The following TPD52L1 variants were observed in gnomAD, a reference collection of about 807,000 sequenced individuals.
TPD52L1 encodes the protein tumor protein D53.
In TPD52L1, 18 loss-of-function variants were observed where a neutral mutation model predicts 28.7. The observed-to-expected ratio is 0.63, with a 90% CI of 0.43 to 0.93. The LOEUF is 0.93. Ranked by LOEUF, TPD52L1 falls within the 40% of genes least tolerant of loss-of-function variation. The pLI is 0.00. For synonymous variants in TPD52L1, 75 were observed against 88.8 expected (o/e 0.84, Z 0.88); for missense variants, 203 against 254.8 (o/e 0.80, Z 1.39).
intron 6 of TPD52L1, 102 bp downstream of exon 6, chr6:125,257,260 C>A: frequency 1.1e-6 from 1 of 922,774 alleles, no homozygotes; most frequent in Non-Finnish European, 1.7e-6. Flanking sequence ...AGAAGGCAGG[C>A]TTGCATCAAG....
chr6:125,166,037 CA>C (rs1790880113), intron 1 of TPD52L1, among the ~76,000 whole-genome samples: 2 of 151,732 alleles, frequency 1.3e-5, no homozygotes, highest in African/African-American at 2.4e-5. Context: ...AATGAGTACC[CA>C]AAAAAAGAAA....
chr6:125,214,099 G>T (rs906342312), intron 1 of TPD52L1, among the ~76,000 whole-genome samples: 15 of 152,176 alleles, frequency 9.9e-5, no homozygotes, highest in Non-Finnish European at 1.8e-4. Flanking sequence ...AGCTGAAACT[G>T]CAAGATGCAG....
intron 1 of TPD52L1, among the ~76,000 whole-genome samples, chr6:125,172,144 CTTT>C (rs1562211119): frequency 6.6e-5 from 4 of 60,582 alleles, no homozygotes; most frequent in African/African-American, 1.8e-4. Flanking sequence ...TTCTTTCTTT[CTTT>C]CTTTCTTTCT....
At chr6:125,206,431 A>G (rs1341651952) in intron 1 of TPD52L1, among the ~76,000 whole-genome samples, 1 of 152,176 alleles carries the variant, frequency 6.6e-6, no homozygotes, top group Admixed American at 6.5e-5. Context: ...GATCAAATGA[A>G]GGCACAGAAC....
chr6:125,179,311 T>C (rs1792032626), intron 1 of TPD52L1, among the ~76,000 whole-genome samples: 1 of 152,270 alleles, frequency 6.6e-6, no homozygotes, highest in African/African-American at 2.4e-5. Flanking sequence ...TTTACCCAAG[T>C]AGTCCCTCAA....
Position 125,261,018 on chromosome 6 carries a change from GA to G in TPD52L1, c.487-1812del, listed in dbSNP as rs72134189. 6.0e-3 allele frequency: 258 copies of G among 43,126 alleles called. 18 individuals are homozygous for G. The highest frequency in any genetic ancestry group is 0.037 in the African/African-American group (247 of 6,758). The allele number at this position is 43,126 out of a possible 1,614,324, so 2.7% of individuals were successfully genotyped here. ...AGAAAGAAAGAAAGAAAGAAAGAAA[GA>G]AAAGAAAAGAAAGAAAGAAAGAAAG... is the stretch of plus-strand genomic sequence containing the variant. On this transcript the variant is annotated intron_variant, in intron 6 of 6. Coordinates refer to ENST00000534000, the MANE Select transcript of TPD52L1 (RefSeq NM_003287.4).
chr6:125,183,366 C>T (rs1792351223), intron 1 of TPD52L1, among the ~76,000 whole-genome samples: 1 of 152,150 alleles, frequency 6.6e-6, no homozygotes, highest in Non-Finnish European at 1.5e-5. Flanking sequence ...GTAAACCCAG[C>T]TACATGGGAG....
chr6:125,216,508 C>A (rs1794884947), intron 1 of TPD52L1, among the ~76,000 whole-genome samples: 1 of 129,096 alleles, frequency 7.7e-6, no homozygotes, highest in Non-Finnish European at 1.6e-5. Context: ...AAGTTTGCAA[C>A]AGTAAATTCA....
At chr6:125,175,209 A>T (rs1791746284) in intron 1 of TPD52L1, among the ~76,000 whole-genome samples, 1 of 152,154 alleles carries the variant, frequency 6.6e-6, no homozygotes, top group African/African-American at 2.4e-5. Context: ...ATGACTGTTC[A>T]TGGAGAGCAC....
At chr6:125,258,225 C>T (rs1442293353) in intron 6 of TPD52L1, among the ~76,000 whole-genome samples, 1 of 152,066 alleles carries the variant, frequency 6.6e-6, no homozygotes, top group Non-Finnish European at 1.5e-5. Context: ...GTTTAAGGCC[C>T]AGGAATGAAA....
chr6:125,259,831 G>A (rs1253315339), intron 6 of TPD52L1: 1 of 152,192 alleles, frequency 6.6e-6, no homozygotes, highest in Middle Eastern at 3.2e-3. Context: ...TAATTTGGGG[G>A]ACAAAGTGAC....
intron 1 of TPD52L1, among the ~76,000 whole-genome samples, chr6:125,170,102 CA>C (rs1791191404): frequency 6.6e-6 from 1 of 152,136 alleles, no homozygotes; most frequent in African/African-American, 2.4e-5. Context: ...TCTGTTGGGA[CA>C]GACAGTTATC....
chr6:125,260,921 G>GAGGAAAGAAAGAAAGAAGAAAGAAAGA (rs1797889647), intron 6 of TPD52L1: 3 of 58,808 alleles, frequency 5.1e-5, no homozygotes, highest in Non-Finnish European at 2.6e-5. Context: ...AAGAAAGAAA[G>GAGGAAAGAAAGAAAGAAGAAAGAAAGA]AAGAAAGAAA....
intron 3 of TPD52L1, among the ~76,000 whole-genome samples, chr6:125,245,297 G>C (rs1471440339): frequency 6.6e-6 from 1 of 152,152 alleles, no homozygotes; most frequent in African/African-American, 2.4e-5. Context: ...CTGGGATCAG[G>C]GTTATTCTGT....
At chr6:125,154,542 G>A in intron 1 of TPD52L1, 1 of 938,234 alleles carries the variant, frequency 1.1e-6, no homozygotes, top group African/African-American at 2.8e-5. Flanking sequence ...CGTGAGTCCC[G>A]GTTTCCGCGA....
chr6:125,251,297 G>C (rs1004296011), intron 4 of TPD52L1, among the ~76,000 whole-genome samples: 3 of 151,966 alleles, frequency 2.0e-5, no homozygotes, highest in African/African-American at 7.2e-5. Flanking sequence ...TAACATTTTT[G>C]TGCATTCTGG....
At chr6:125,218,478 A>T (rs1795022491) in intron 1 of TPD52L1, among the ~76,000 whole-genome samples, 1 of 152,158 alleles carries the variant, frequency 6.6e-6, no homozygotes, top group South Asian at 2.1e-4. Context: ...GGTCTGTAGG[A>T]ATTCTGTATA....
intron 1 of TPD52L1, among the ~76,000 whole-genome samples, chr6:125,210,152 C>T (rs920288698): frequency 2.6e-5 from 4 of 152,020 alleles, no homozygotes; most frequent in Admixed American, 6.6e-5. Flanking sequence ...CAGGCCAGGC[C>T]GAATTATAAA....
intron 6 of TPD52L1, chr6:125,259,880 C>T (rs1210031468): frequency 6.6e-6 from 1 of 152,118 alleles, no homozygotes; most frequent in Non-Finnish European, 1.5e-5. Flanking sequence ...GAGAAGGGTC[C>T]AGGAGAATTT....
Sources: allele counts gnomAD v4.1 joint callset (sites outside exome capture counted in the v4.1 genomes callset), GRCh38; gene constraint gnomAD v4.1.1; transcripts MANE v1.5; gene names NCBI Gene and HGNC (gene_info 2026-07-23, HGNC 2026-07-21).